Variants in CTXND1 observed in about 807,000 individuals in gnomAD.
CTXND1 encodes cortexin domain containing 1.
intron 1 of CTXND1, among the ~76,000 whole-genome samples, chr15:80,248,533 G>A (rs1323622677): frequency 6.6e-6 from 1 of 152,168 alleles, no homozygotes; most frequent in Non-Finnish European, 1.5e-5. Context: ...CCAACTCCAG[G>A]CAGTTGTAGA....
intron 1 of CTXND1, among the ~76,000 whole-genome samples, chr15:80,208,990 A>G (rs146358442): frequency 3.3e-5 from 5 of 152,324 alleles, no homozygotes; most frequent in Non-Finnish European, 7.3e-5. Flanking sequence ...AGCCTCTCAA[A>G]CCTTGATTCT....
At chr15:80,219,508 G>A (rs1291908276) in intron 1 of CTXND1, among the ~76,000 whole-genome samples, 2 of 152,126 alleles carry the variant, frequency 1.3e-5, no homozygotes, top group Non-Finnish European at 2.9e-5. Flanking sequence ...TTCCTATACA[G>A]GTACACTTAG....
chr15:80,204,169 A>AATATACATAT, intron 1 of CTXND1, among the ~76,000 whole-genome samples: 1 of 65,196 alleles, frequency 1.5e-5, no homozygotes, highest in African/African-American at 7.7e-5. Context: ...AAAAAAAAAA[A>AATATACATAT]ATATATATAT....
At position 80,245,598 on chromosome 15, in the gene CTXND1, T is replaced by C. The variant is rs184578887; in HGVS notation, c.-218+6409A>G. ...ACAACATCACTTCCACCTCATTTTA[T>C]ACATTGAGGCAGCCACAGAGGCCCA... On this transcript the variant is annotated intron_variant, in intron 1 of 2. Transcript: ENST00000560778. Among the ~76,000 whole-genome samples, 25 of 152,270 alleles carry C rather than the reference T, an allele frequency of 1.6e-4. No homozygotes were observed. The East Asian group carries it at 4.8e-3, about 29-fold the overall frequency.
intron 1 of CTXND1, among the ~76,000 whole-genome samples, chr15:80,217,855 G>C (rs554566063): frequency 1.6e-3 from 236 of 152,234 alleles, no homozygotes; most frequent in African/African-American, 5.4e-3. Context: ...CCCACTAATA[G>C]TTTAAGTAAG....
rs1399643575 is a variant in CTXND1, at chr15:80,201,305, C to T, written c.*465G>A. ...CCTCACTGCCACACCACTGCTAGTC[C>T]ATGGGGAGGGGGCTGGGGTTCAGGT... On this transcript the variant is annotated 3_prime_UTR_variant, in exon 3 of 3. Coordinates refer to ENST00000560778, the MANE Select transcript of CTXND1 (RefSeq NM_001352888.2). 6 of 153,354 alleles carry T rather than the reference C, an allele frequency of 3.9e-5. No individual in the cohort carries two copies. The East Asian group carries it at 9.6e-4, about 25-fold the overall frequency. 9.5% of individuals were successfully genotyped at this position (153,354 alleles called of 1,614,324 possible).
chr15:80,241,568 G>A (rs1444798029), intron 1 of CTXND1, among the ~76,000 whole-genome samples: 1 of 152,176 alleles, frequency 6.6e-6, no homozygotes, highest in Non-Finnish European at 1.5e-5. Flanking sequence ...ATGAGGGCAG[G>A]GGCCCCCATT....
chr15:80,233,187 C>T (rs1406458183), intron 1 of CTXND1, among the ~76,000 whole-genome samples: 1 of 152,092 alleles, frequency 6.6e-6, no homozygotes, highest in Non-Finnish European at 1.5e-5. Flanking sequence ...GATCCACCCG[C>T]CTCAGCCTCC....
In CTXND1 at chr15:80,251,527, G is replaced by T. The variant is rs537558919; in HGVS notation, c.-218+480C>A. ...CACAGGAGAGGGAATTTTAGGCACT[G>T]AACGTGACGAGAAGGACTTTCTAAC... On this transcript the variant is annotated intron_variant, in intron 1 of 2. Coordinates refer to ENST00000560778, the MANE Select transcript of CTXND1 (RefSeq NM_001352888.2). 2.6e-5 allele frequency among the ~76,000 whole-genome samples: 4 copies of T among 152,330 alleles called. No homozygotes were observed. In the East Asian group the frequency reaches 7.7e-4, roughly 29 times the overall value.
At chr15:80,222,255 T>C (rs933038140) in intron 1 of CTXND1, among the ~76,000 whole-genome samples, 2 of 152,172 alleles carry the variant, frequency 1.3e-5, no homozygotes, top group Non-Finnish European at 2.9e-5. Flanking sequence ...AATGGCGATA[T>C]AATAAATCCA....
At position 80,252,194 on chromosome 15, in the gene CTXND1, A is replaced by C. The variant is rs1459767191; in HGVS notation, c.-405T>G. The C allele has an allele frequency of 2.0e-5, 3 of 151,788 alleles. No homozygotes were observed. Among genetic ancestry groups the C allele is most frequent in the Non-Finnish European group, 4.4e-5 (3 of 67,892 alleles). The allele number at this position is 151,788 out of a possible 1,614,324, so 9.4% of individuals were successfully genotyped here. On this transcript the variant is annotated 5_prime_UTR_variant, in exon 1 of 3. Transcript: ENST00000560778. ...CCAGCGGCGCGGGCGAGCCCGGGCC[A>C]GCAGCCGAGAGGGGGCTCTGAGCGG...
intron 1 of CTXND1, among the ~76,000 whole-genome samples, chr15:80,220,146 CA>C (rs1893298655): frequency 2.8e-5 from 3 of 105,344 alleles, no homozygotes; most frequent in Admixed American, 9.5e-5. Context: ...ATCTATCTAT[CA>C]TCTATCTATC....
At chr15:80,206,482 T>G (rs906740955) in intron 1 of CTXND1, among the ~76,000 whole-genome samples, 16 of 152,224 alleles carry the variant, frequency 1.1e-4, no homozygotes, top group African/African-American at 2.4e-4. Flanking sequence ...TTTTTGGCCT[T>G]GAAAGCAGAG....
intron 1 of CTXND1, among the ~76,000 whole-genome samples, chr15:80,213,912 G>T (rs1180037479): frequency 6.6e-6 from 1 of 152,072 alleles, no homozygotes; most frequent in African/African-American, 2.4e-5. Context: ...ATAAAAAATT[G>T]CTTGAAGAGT....
intron 1 of CTXND1, among the ~76,000 whole-genome samples, chr15:80,241,192 A>C (rs763022994): frequency 1.3e-5 from 2 of 152,120 alleles, no homozygotes; most frequent in Non-Finnish European, 2.9e-5. Context: ...TGGGCAGAAA[A>C]CAGAAAAGCC....
At chr15:80,228,605 T>C (rs1167517688) in intron 1 of CTXND1, among the ~76,000 whole-genome samples, 1 of 150,806 alleles carries the variant, frequency 6.6e-6, no homozygotes, top group African/African-American at 2.4e-5. Context: ...AATTTGAAGA[T>C]TCAAACGCTG....
chr15:80,210,157 G>T (rs917486135), intron 1 of CTXND1, among the ~76,000 whole-genome samples: 1 of 152,086 alleles, frequency 6.6e-6, no homozygotes, highest in Non-Finnish European at 1.5e-5. Flanking sequence ...TCTTCCACTG[G>T]CCTCTGAATC....
chr15:80,215,379 T>C (rs1404608081), intron 1 of CTXND1, among the ~76,000 whole-genome samples: 1 of 152,226 alleles, frequency 6.6e-6, no homozygotes, highest in Non-Finnish European at 1.5e-5. Flanking sequence ...CTATTTTGAA[T>C]GTGTTTATGA....
chr15:80,232,220 C>T (rs1893439402), intron 1 of CTXND1, among the ~76,000 whole-genome samples: 2 of 152,068 alleles, frequency 1.3e-5, no homozygotes, highest in Admixed American at 1.3e-4. Context: ...GGGAAATTCT[C>T]CTGAATCAAA....
Sources: gnomAD v4.1 joint callset for allele counts (sites outside exome capture counted in the v4.1 genomes callset) on GRCh38, gnomAD v4.1.1 for gene constraint, MANE v1.5 for transcripts, NCBI Gene and HGNC (gene_info 2026-07-23, HGNC 2026-07-21) for gene names.